The following ABCC10 variants were observed in gnomAD, a reference collection of about 807,000 sequenced individuals.
The protein encoded by ABCC10 is ATP-binding cassette sub-family C member 10.
A neutral mutation model predicts 143.2 loss-of-function variants in ABCC10; 110 were observed. That is an observed-to-expected ratio of 0.77 (90% confidence interval 0.66 to 0.90). ABCC10 has a LOEUF of 0.90. ABCC10 is among the 40% of genes least tolerant of loss of function. ABCC10 has a pLI of 0.00. For missense variants in ABCC10, 1,700 were observed against 1,900.5 expected, an observed-to-expected ratio of 0.89 and a Z score of 1.96; for synonymous variants, 805 against 846.7, an observed-to-expected ratio of 0.95 and a Z score of 0.85.
intron 6 of ABCC10, among the ~76,000 whole-genome samples, 175 bp downstream of exon 6, chr6:43,436,422 T>A (rs1781730493): frequency 6.6e-6 from 1 of 152,140 alleles, no homozygotes; most frequent in African/African-American, 2.4e-5. Context: ...ACACCTCACA[T>A]CTGAATCTCA....
chr6:43,432,785 G>A lies in ABCC10; in HGVS notation c.805G>A (p.Glu269Lys). The part of the protein sequence containing the change: ...LARVFQAHWQ[E>K]GARLWRALYG... ...TCGTGTCTTCCAGGCACACTGGCAG[G>A]AGGGGGCACGGCTGTGGAGGGCCTT... The change falls in exon 3 of 22, where the codon GAG becomes AAG. Residue 269 changes from glutamate to lysine, a missense_variant. Physicochemically the swap from Glu to Lys is moderately conservative, Grantham distance 56 (BLOSUM62 1). Transcript: ENST00000372530. The A allele has an allele frequency of 6.2e-7, 1 of 1,614,180 alleles. No individual in the cohort carries two copies. The highest frequency in any genetic ancestry group is 1.3e-5 in the African/African-American group (1 of 75,060).
Position 43,441,840 on chromosome 6 carries a change from ACTGGGGCAC to A in ABCC10, c.2128-18_2128-10del. The A allele has an allele frequency of 6.2e-7, 1 of 1,606,244 alleles. No individual in the cohort carries two copies. The highest frequency in any genetic ancestry group is 1.1e-5 in the South Asian group (1 of 90,564). ...GAAGGTAATGGGAGCTCCCTGACCC[ACTGGGGCAC>A]CTGTTCCATCAGATCCTGCCTGCTG... On this transcript the variant is annotated splice_polypyrimidine_tract_variant and intron_variant, in intron 8 of 21. Coordinates refer to ENST00000372530, the MANE Select transcript of ABCC10 (RefSeq NM_001198934.2).
intron 8 of ABCC10, among the ~76,000 whole-genome samples, chr6:43,440,877 T>A (rs2499404): frequency 0.73 from 98,973 of 134,960 alleles, 36,794 homozygotes; most frequent in Non-Finnish European, 0.82. Flanking sequence ...AAAAAAAAAA[T>A]ACCAGACCAC....
chr6:43,446,750 G>A (rs778129475), intron 16 of ABCC10: 62 of 1,222,030 alleles, frequency 5.1e-5, no homozygotes, highest in East Asian at 3.2e-4. Flanking sequence ...CCCACATGCC[G>A]TCCCTCCCAG....
chr6:43,451,861 C>T (rs550295163), downstream of ABCC10: 8 of 1,561,912 alleles, frequency 5.1e-6, no homozygotes, highest in Non-Finnish European at 6.1e-6. This position sits in a 1 kb window ranked among gnomAD's most constrained non-coding sequence, Gnocchi z 4.4. Context: ...CCCACCCTCC[C>T]AACAGTCCTG....
chr6:43,439,979 CAG>C (rs1474418253), intron 8 of ABCC10, among the ~76,000 whole-genome samples: 79 of 151,502 alleles, frequency 5.2e-4, no homozygotes, highest in South Asian at 2.1e-4. Flanking sequence ...GTGTGTGAGA[CAG>C]AGTCTTGCTC....
chr6:43,450,483 C>G, downstream of ABCC10: 2 of 1,512,620 alleles, frequency 1.3e-6, no homozygotes, highest in Non-Finnish European at 1.8e-6. This position sits in a 1 kb window ranked among gnomAD's most constrained non-coding sequence, Gnocchi z 4.5. Flanking sequence ...GAACGGACCA[C>G]TCCAGTCTGA....
In ABCC10 at chr6:43,436,235, C is replaced by T. The variant is rs143415707; in HGVS notation, c.1863C>T (p.Leu621=). ...GTSLETFISH[L]EVKKGMLVGI... is the part of the protein sequence containing the mutation. ...GCCTGGAGACCTTCATCAGTCATCTCGAAGTGAAAAAGGTTTGTTGGACAG... is the reference window on the plus strand; with the variant it reads ...GCCTGGAGACCTTCATCAGTCATCTTGAAGTGAAAAAGGTTTGTTGGACAG... The change falls in exon 6 of 22, where the codon CTC becomes CTT. Residue 621 remains leucine, a synonymous_variant. Transcript: ENST00000372530. 39 of 1,613,646 alleles carry T rather than the reference C, an allele frequency of 2.4e-5. No homozygotes were observed. Among genetic ancestry groups the T allele is most frequent in the South Asian group, 7.7e-5 (7 of 91,058 alleles).
At chr6:43,446,842 CT>C in intron 16 of ABCC10, 1 of 1,106,948 alleles carries the variant, frequency 9.0e-7, no homozygotes, top group Non-Finnish European at 1.1e-6. Flanking sequence ...TTCTCTGTTG[CT>C]TTTTTGTTTT....
intron 20 of ABCC10, 107 bp downstream of exon 20, chr6:43,449,311 T>G (rs1783493470): frequency 6.7e-7 from 1 of 1,500,924 alleles, no homozygotes; most frequent in African/African-American, 1.4e-5. Context: ...TTCATTTTCC[T>G]TTTAGAGCTG....
At position 43,433,378 on chromosome 6, in the gene ABCC10, G is replaced by T. The variant is rs761168706; in HGVS notation, c.1380+18G>T. The T allele has an allele frequency of 2.5e-6, 4 of 1,587,206 alleles. No individual in the cohort carries two copies. Among genetic ancestry groups the T allele is most frequent in the African/African-American group, 1.3e-5 (1 of 74,566 alleles). ...GGGTTAAGGTGAGCGGGTACTTGGG[G>T]TCCCTCAGCTATCTGGAGACCCCAC... On this transcript the variant is annotated intron_variant, in intron 3 of 21. Transcript: ENST00000372530.
At position 43,446,674 on chromosome 6, in the gene ABCC10, G is replaced by T. The variant is rs185835785; in HGVS notation, c.3544+228G>T. ...GGGACTAGAATGAGTCTTCTGAGCT[G>T]CTGGTCTCAGTCCCTTCCCTGCTTC... On this transcript the variant is annotated intron_variant, in intron 16 of 21. Transcript: ENST00000372530. 6 of 985,278 alleles carry T rather than the reference G, an allele frequency of 6.1e-6. No homozygotes were observed. In the African/African-American group the frequency reaches 8.7e-5, roughly 14 times the overall value. 61.0% of individuals were successfully genotyped at this position (985,278 alleles called of 1,614,324 possible). A position where few individuals can be genotyped will look rare whatever the true frequency, so the allele number is the denominator to read the frequency against.
At position 43,444,846 on chromosome 6, in the gene ABCC10, G is replaced by C; in HGVS notation, c.2748G>C (p.Glu916Asp). 1 of 1,613,942 alleles carries C rather than the reference G, an allele frequency of 6.2e-7. No homozygotes were observed. The highest frequency in any genetic ancestry group is 8.5e-7 in the Non-Finnish European group (1 of 1,179,902). Residue 916 changes from glutamate (E) to aspartate (D), a missense_variant, in exon 13 of 22, where the codon GAG becomes GAC. Glu to Asp is a conservative substitution (Grantham distance 45). Coordinates refer to ENST00000372530, the MANE Select transcript of ABCC10 (RefSeq NM_001198934.2). ...ACTGGATCTCTCAGCTGAAGGCTGA[G>C]AATAGCTCCCAGGAGGCGCAACCCT... ...LSHWISQLKAENSSQEAQPST... is the reference protein window; with the variant it reads ...LSHWISQLKADNSSQEAQPST...
At chr6:43,442,933 G>T in intron 9 of ABCC10, 37 bp from the exon 10 acceptor site, 1 of 1,512,512 alleles carries the variant, frequency 6.6e-7, no homozygotes, top group South Asian at 1.3e-5. Context: ...GAGAGCCTTT[G>T]GGTCCTGGTG....
chr6:43,447,001 C>T, intron 16 of ABCC10: 1 of 680,948 alleles, frequency 1.5e-6, no homozygotes, highest in Non-Finnish European at 2.1e-6. Context: ...GCGCCTGCCA[C>T]CACGCCCAGC....
chr6:43,447,200 C>T (rs979286514), intron 16 of ABCC10, 48 bp from the exon 17 acceptor site: 6 of 1,588,316 alleles, frequency 3.8e-6, no homozygotes, highest in South Asian at 2.3e-5. Flanking sequence ...CTCCCACAAA[C>T]GTCCCGGTGT....
At position 43,432,975 on chromosome 6, in the gene ABCC10, G is replaced by A; in HGVS notation, c.995G>A (p.Gly332Asp). Residue 332 changes from glycine to aspartate, a missense_variant, in exon 3 of 22, where the codon GGT becomes GAT. Transcript: ENST00000372530. ...HGLLYALGLA[G>D]GAVLGAVLQN... ...CTGCTCTATGCTCTGGGGCTAGCCG[G>A]TGGGGCTGTGCTGGGTGCTGTGCTG... The A allele has an allele frequency of 8.7e-6, 14 of 1,614,184 alleles. No individual in the cohort carries two copies. The highest frequency in any genetic ancestry group is 1.2e-5 in the Non-Finnish European group (14 of 1,180,030).
intron 15 of ABCC10, 54 bp from the exon 16 acceptor site, chr6:43,446,223 T>A: frequency 1.3e-6 from 2 of 1,574,460 alleles, no homozygotes; most frequent in Middle Eastern, 3.5e-4. Flanking sequence ...GCCCTGAGGC[T>A]GGGTGGCTCA....
rs750381451 is a variant in ABCC10, at chr6:43,449,545, G to A, written c.4316+11G>A. ...GACCATTGCCCATAGGTATGTAAAC[G>A]CCTGGTAACAGCCTAATCAGGGACT... On this transcript the variant is annotated intron_variant, in intron 21 of 21. Transcript: ENST00000372530. 12 of 1,605,172 alleles carry A rather than the reference G, an allele frequency of 7.5e-6. No individual in the cohort carries two copies. The East Asian group carries it at 8.9e-5, about 12-fold the overall frequency.
Sources: allele counts gnomAD v4.1 joint callset (sites outside exome capture counted in the v4.1 genomes callset), GRCh38; gene constraint gnomAD v4.1.1; non-coding constraint Gnocchi (gnomAD v3.1); transcripts MANE v1.5; gene names NCBI Gene and HGNC (gene_info 2026-07-23, HGNC 2026-07-21).